The following LRMDA variants were observed in gnomAD, a reference collection of about 807,000 sequenced individuals.
The protein encoded by LRMDA is leucine-rich melanocyte differentiation-associated protein.
Under a neutral mutation model 29.8 loss-of-function variants are expected in LRMDA, and 18 were observed. That is an observed-to-expected ratio of 0.60 (90% confidence interval 0.42 to 0.90). LRMDA has a LOEUF of 0.90. Among genes scored for constraint, LRMDA ranks in the 40% least tolerant of loss-of-function variants. The probability of loss-of-function intolerance (pLI) is 0.00; values close to 1 mark genes in which losing one functional copy is unlikely to be tolerated. For missense variants in LRMDA, 273 were observed against 273.9 expected (o/e 1.00, Z 0.02); for synonymous variants, 125 against 109.4 (o/e 1.14, Z -0.89).
At chr10:76,368,201 C>T (rs1841414244) in intron 6 of LRMDA, among the ~76,000 whole-genome samples, 1 of 152,096 alleles carries the variant, frequency 6.6e-6, no homozygotes, top group African/African-American at 2.4e-5. Context: ...AATTGTTCTT[C>T]TGTGCTCTTT....
chr10:75,598,242 C>T (rs1840825371), intron 2 of LRMDA, among the ~76,000 whole-genome samples: 1 of 152,142 alleles, frequency 6.6e-6, no homozygotes, highest in Non-Finnish European at 1.5e-5. Context: ...AACCAAGGGA[C>T]CTGCTGCTTC....
intron 2 of LRMDA, among the ~76,000 whole-genome samples, chr10:75,747,293 A>G (rs1010053337): frequency 1.3e-5 from 2 of 152,236 alleles, no homozygotes; most frequent in Non-Finnish European, 2.9e-5. Flanking sequence ...AAAAAAGTCG[A>G]ATATAATTCC....
In LRMDA at chr10:75,731,524, ATGTT is replaced by A. The variant is rs566841988; in HGVS notation, c.131+293035_131+293038del. ...CTGGCCCACAGTAAATGTTCAATAA[ATGTT>A]TGTTGAATGAGATTAGGGAGCCCAG... On this transcript the variant is annotated intron_variant, in intron 2 of 6. Coordinates refer to ENST00000611255, the MANE Select transcript of LRMDA (RefSeq NM_001305581.2). 5.8e-4 allele frequency among the ~76,000 whole-genome samples: 89 copies of A among 152,320 alleles called. 2 individuals carry two copies. The East Asian group carries it at 0.014, about 24-fold the overall frequency.
intron 5 of LRMDA, among the ~76,000 whole-genome samples, chr10:76,139,798 G>A (rs544407380): frequency 2.0e-5 from 3 of 152,228 alleles, no homozygotes; most frequent in South Asian, 2.1e-4. Flanking sequence ...AAGAGTGCAC[G>A]TGTTATTCTT....
intron 2 of LRMDA, among the ~76,000 whole-genome samples, chr10:75,691,092 G>A (rs568145470): frequency 9.0e-5 from 7 of 77,580 alleles, no homozygotes; most frequent in South Asian, 4.3e-4. Flanking sequence ...ATATATCTAT[G>A]TACATAGATA....
intron 2 of LRMDA, among the ~76,000 whole-genome samples, chr10:75,981,850 CAA>C (rs10570078): frequency 0.12 from 14,453 of 116,406 alleles, 1,909 homozygotes; most frequent in African/African-American, 0.35. Context: ...GACTCCATCT[CAA>C]AAAAAAAAAA....
chr10:75,449,363 G>A (rs1450860860), intron 2 of LRMDA, among the ~76,000 whole-genome samples: 1 of 152,086 alleles, frequency 6.6e-6, no homozygotes, highest in Non-Finnish European at 1.5e-5. Context: ...CACCCTGATG[G>A]TTAAATGGGA....
rs966603720 is a variant in LRMDA at position 76,557,829 on chromosome 10, C to A, written c.*541C>A. ...CTGTATTCTGCATATACATAGCTCC[C>A]GTCTCTTCCCCTCCACCTTCCTTTA... On this transcript the variant is annotated 3_prime_UTR_variant, in exon 7 of 7. Transcript: ENST00000611255. 6.6e-6 allele frequency: 1 copy of A among 152,528 alleles called. No individual in the cohort carries two copies. Among genetic ancestry groups the A allele is most frequent in the Non-Finnish European group, 1.5e-5 (1 of 68,322 alleles). 9.4% of individuals were successfully genotyped at this position (152,528 alleles called of 1,614,324 possible). A position where few individuals can be genotyped will look rare whatever the true frequency, so the allele number is the denominator to read the frequency against.
chr10:75,835,956 ATACAGTAG>A, intron 2 of LRMDA, among the ~76,000 whole-genome samples: 1 of 152,174 alleles, frequency 6.6e-6, no homozygotes, highest in East Asian at 1.9e-4. Context: ...GGCCTTTTAC[ATACAGTAG>A]ATGCTCATCA....
intron 2 of LRMDA, among the ~76,000 whole-genome samples, chr10:75,643,682 G>A (rs577010370): frequency 6.6e-6 from 1 of 152,324 alleles, no homozygotes; most frequent in Admixed American, 6.5e-5. Context: ...TGGGGCTGGA[G>A]TTAATTGGTA....
At chr10:76,294,175 C>A (rs1840384341) in intron 5 of LRMDA, among the ~76,000 whole-genome samples, 1 of 152,138 alleles carries the variant, frequency 6.6e-6, no homozygotes, top group Non-Finnish European at 1.5e-5. Flanking sequence ...GGCCTATGAC[C>A]AGAGTGAACT....
At chr10:76,028,639 A>C (rs1848099617) in intron 2 of LRMDA, among the ~76,000 whole-genome samples, 2 of 152,084 alleles carry the variant, frequency 1.3e-5, no homozygotes, top group African/African-American at 2.4e-5. Context: ...ACAACAAAAA[A>C]CAAAAAAATA....
chr10:75,760,219 G>A (rs1209473895), intron 2 of LRMDA, among the ~76,000 whole-genome samples: 2 of 152,212 alleles, frequency 1.3e-5, no homozygotes, highest in East Asian at 3.9e-4. Context: ...CAGGAGGACA[G>A]AAATGTAAAT....
intron 2 of LRMDA, among the ~76,000 whole-genome samples, chr10:75,976,864 A>G (rs2395336): frequency 0.36 from 55,104 of 152,018 alleles, 11,297 homozygotes; most frequent in African/African-American, 0.54. Flanking sequence ...ATGCCTCTCT[A>G]GTAGATACTG....
chr10:76,186,269 A>G (rs1240481711), intron 5 of LRMDA, among the ~76,000 whole-genome samples: 2 of 152,208 alleles, frequency 1.3e-5, no homozygotes, highest in Non-Finnish European at 2.9e-5. Context: ...CGGAGCCCCA[A>G]GAAACTGGCA....
chr10:76,326,500 G>C (rs545472829), intron 6 of LRMDA, among the ~76,000 whole-genome samples: 21 of 152,182 alleles, frequency 1.4e-4, no homozygotes, highest in Non-Finnish European at 2.5e-4. Context: ...CATGGTGTGA[G>C]GACAAATTAC....
At chr10:76,339,447 G>T (rs1190771353) in intron 6 of LRMDA, among the ~76,000 whole-genome samples, 1 of 151,796 alleles carries the variant, frequency 6.6e-6, no homozygotes, top group Non-Finnish European at 1.5e-5. Context: ...TCTAATTAAA[G>T]GATTTTTCCT....
intron 5 of LRMDA, among the ~76,000 whole-genome samples, chr10:76,204,372 TACC>T (rs1851496653): frequency 2.0e-5 from 3 of 150,802 alleles, no homozygotes; most frequent in African/African-American, 4.9e-5. Flanking sequence ...TGTGCCCATC[TACC>T]CATCTCTATT....
At chr10:76,440,794 A>G (rs553733470) in intron 6 of LRMDA, among the ~76,000 whole-genome samples, 2 of 152,268 alleles carry the variant, frequency 1.3e-5, no homozygotes, top group East Asian at 3.9e-4. Context: ...TATAGTTCAT[A>G]TCTGTCATAG....
Sources: gnomAD v4.1 joint callset for allele counts (sites outside exome capture counted in the v4.1 genomes callset) on GRCh38, gnomAD v4.1.1 for gene constraint, MANE v1.5 for transcripts, NCBI Gene and HGNC (gene_info 2026-07-23, HGNC 2026-07-21) for gene names.